CNTNAP2: variants seen among roughly 807,000 people sequenced by gnomAD.
The protein encoded by CNTNAP2 is contactin associated protein 2.
A neutral mutation model predicts 155.2 loss-of-function variants in CNTNAP2; 98 were observed. The ratio of observed to expected loss-of-function variants is 0.63; its 90% CI spans 0.54 to 0.75. CNTNAP2 has a LOEUF of 0.75. Among genes scored for constraint, CNTNAP2 ranks in the 30% least tolerant of loss-of-function variants. The pLI is 0.00. For synonymous variants in CNTNAP2, 651 were observed against 631.2 expected (o/e 1.03, Z -0.47); for missense variants, 1,727 against 1,688.1 (o/e 1.02, Z -0.40).
chr7:146,567,866 G>A (rs946254008), intron 1 of CNTNAP2, among the ~76,000 whole-genome samples: 13 of 152,206 alleles, frequency 8.5e-5, no homozygotes, highest in African/African-American at 2.2e-4. Flanking sequence ...GACTACAGGC[G>A]CCCGCCACCA....
At chr7:147,864,690 A>G (rs1334866895) in intron 13 of CNTNAP2, among the ~76,000 whole-genome samples, 1 of 152,108 alleles carries the variant, frequency 6.6e-6, no homozygotes, top group Admixed American at 6.5e-5. Context: ...CTTTGAAGCA[A>G]TTGTGAATGG....
intron 15 of CNTNAP2, among the ~76,000 whole-genome samples, chr7:148,059,051 T>A (rs900106745): frequency 4.6e-5 from 7 of 151,658 alleles, no homozygotes; most frequent in Non-Finnish European, 8.8e-5. Context: ...GAGGCCAAGG[T>A]AGGCGGATCA....
At chr7:147,866,764 T>TC (rs1799237373) in intron 13 of CNTNAP2, among the ~76,000 whole-genome samples, 1 of 150,978 alleles carries the variant, frequency 6.6e-6, no homozygotes, top group South Asian at 2.1e-4. Flanking sequence ...TTTTTTTGTT[T>TC]TTTGTTGTTG....
At chr7:146,157,782 TG>T (rs1276234517) in intron 1 of CNTNAP2, among the ~76,000 whole-genome samples, 2 of 152,204 alleles carry the variant, frequency 1.3e-5, no homozygotes, top group African/African-American at 4.8e-5. Context: ...GAGGCCTGCC[TG>T]CCTCTGTAGA....
intron 1 of CNTNAP2, among the ~76,000 whole-genome samples, chr7:146,573,432 C>T (rs909541632): frequency 2.0e-5 from 3 of 152,138 alleles, no homozygotes; most frequent in African/African-American, 4.8e-5. Context: ...GGAGCCACTG[C>T]GCCTGGCCTT....
chr7:148,309,097 T>C (rs1260876460), intron 21 of CNTNAP2, among the ~76,000 whole-genome samples: 1 of 152,186 alleles, frequency 6.6e-6, no homozygotes, highest in Non-Finnish European at 1.5e-5. Flanking sequence ...TAGCCAGTAA[T>C]GGGATTGCTG....
intron 14 of CNTNAP2, among the ~76,000 whole-genome samples, chr7:147,963,996 C>T (rs1166916834): frequency 3.3e-5 from 5 of 151,956 alleles, no homozygotes; most frequent in African/African-American, 1.2e-4. Flanking sequence ...TCTATTAAGC[C>T]CTAACTCCCA....
intron 8 of CNTNAP2, among the ~76,000 whole-genome samples, chr7:147,249,868 T>C (rs1404196588): frequency 6.6e-6 from 1 of 152,170 alleles, no homozygotes; most frequent in Non-Finnish European, 1.5e-5. Context: ...TGCCCTTCTT[T>C]CTTTTTCTCT....
At chr7:147,629,101 C>T (rs918132253) in intron 12 of CNTNAP2, among the ~76,000 whole-genome samples, 2 of 151,998 alleles carry the variant, frequency 1.3e-5, no homozygotes, top group Non-Finnish European at 2.9e-5. Context: ...GAGAAGTCAA[C>T]AAAGAAATAA....
At chr7:146,160,116 C>A (rs140616558) in intron 1 of CNTNAP2, among the ~76,000 whole-genome samples, 7,458 of 152,178 alleles carry the variant, frequency 0.049, 642 homozygotes, top group African/African-American at 0.17. Context: ...AAAATGAAGG[C>A]AGAAATAAAG....
intron 9 of CNTNAP2, among the ~76,000 whole-genome samples, chr7:147,343,075 A>G (rs774418823): frequency 6.6e-6 from 1 of 152,120 alleles, no homozygotes; most frequent in African/African-American, 2.4e-5. Context: ...CAATCAATAC[A>G]TGTTTGTTGA....
At chr7:146,248,043 C>A (rs372206621) in intron 1 of CNTNAP2, among the ~76,000 whole-genome samples, 1 of 144,694 alleles carries the variant, frequency 6.9e-6, no homozygotes, top group African/African-American at 2.6e-5. Context: ...GGCTGGGGCA[C>A]GGAAATAAGG....
chr7:146,532,880 C>T (rs1035387392), intron 1 of CNTNAP2, among the ~76,000 whole-genome samples: 8 of 151,368 alleles, frequency 5.3e-5, no homozygotes, highest in African/African-American at 2.4e-5. Flanking sequence ...GTCAGGAGTT[C>T]GAGACCAGCC....
intron 3 of CNTNAP2, among the ~76,000 whole-genome samples, chr7:146,877,331 C>T (rs1348473829): frequency 6.6e-6 from 1 of 151,734 alleles, no homozygotes; most frequent in Non-Finnish European, 1.5e-5. Flanking sequence ...GTGAGACCCC[C>T]CCATCTCTAT....
At chr7:146,527,383 A>G (rs964236423) in intron 1 of CNTNAP2, among the ~76,000 whole-genome samples, 5 of 152,152 alleles carry the variant, frequency 3.3e-5, no homozygotes, top group African/African-American at 1.2e-4. Flanking sequence ...GTTTTGTATT[A>G]GGCATTTTCT....
chr7:148,183,160 A>G (rs1197702353), intron 18 of CNTNAP2, among the ~76,000 whole-genome samples: 6 of 152,188 alleles, frequency 3.9e-5, no homozygotes, highest in Non-Finnish European at 8.8e-5. Flanking sequence ...TGGGAATGCA[A>G]TGGAGGGGAT....
intron 8 of CNTNAP2, among the ~76,000 whole-genome samples, chr7:147,246,802 C>T (rs1309325035): frequency 6.6e-6 from 1 of 152,084 alleles, no homozygotes; most frequent in Non-Finnish European, 1.5e-5. Context: ...CATGGCCTAA[C>T]CAAGTTACAA....
At chr7:148,305,378 C>T (rs1336003240) in intron 21 of CNTNAP2, among the ~76,000 whole-genome samples, 1 of 152,066 alleles carries the variant, frequency 6.6e-6, no homozygotes, top group African/African-American at 2.4e-5. Flanking sequence ...AATCTTCCCT[C>T]AACATATTGC....
intron 3 of CNTNAP2, among the ~76,000 whole-genome samples, chr7:146,940,623 C>G (rs1797033223): frequency 6.6e-6 from 1 of 151,750 alleles, no homozygotes; most frequent in South Asian, 2.1e-4. Context: ...CCTTGTTGGC[C>G]AAACTGGGTT....
Sources: allele counts gnomAD v4.1 joint callset (sites outside exome capture counted in the v4.1 genomes callset), GRCh38; gene constraint gnomAD v4.1.1; transcripts MANE v1.5; gene names NCBI Gene and HGNC (gene_info 2026-07-23, HGNC 2026-07-21).